ATP8A2: variants seen among roughly 807,000 people sequenced by gnomAD.
ATP8A2 encodes ATPase phospholipid transporting 8A2.
Under a neutral mutation model 165.6 loss-of-function variants are expected in ATP8A2, and 100 were observed. That is an observed-to-expected ratio of 0.60 (90% CI 0.51 to 0.71). ATP8A2 has a LOEUF of 0.71. Among genes scored for constraint, ATP8A2 ranks in the 30% least tolerant of loss-of-function variants. The probability of loss-of-function intolerance (pLI) is 0.00; values close to 1 mark genes in which losing one functional copy is unlikely to be tolerated. For synonymous variants in ATP8A2, 543 were observed against 548.8 expected, an observed-to-expected ratio of 0.99 and a Z score of 0.15; for missense variants, 1,227 against 1,479.5, an observed-to-expected ratio of 0.83 and a Z score of 2.80.
chr13:25,392,090 A>C (rs1168871667), intron 1 of ATP8A2, among the ~76,000 whole-genome samples: 1 of 152,216 alleles, frequency 6.6e-6, no homozygotes, highest in Non-Finnish European at 1.5e-5. Context: ...TGGTCAACAG[A>C]AGCTCTCCGG....
At chr13:25,678,005 A>G (rs529957900) in intron 24 of ATP8A2, among the ~76,000 whole-genome samples, 1 of 152,312 alleles carries the variant, frequency 6.6e-6, no homozygotes, top group South Asian at 2.1e-4. Flanking sequence ...TCAAATTTTA[A>G]TGATGGAAAG....
intron 26 of ATP8A2, among the ~76,000 whole-genome samples, 186 bp from the exon 27 acceptor site, chr13:25,774,660 TCAA>T (rs2044700751): frequency 3.9e-5 from 6 of 152,204 alleles, no homozygotes; most frequent in African/African-American, 1.4e-4. Flanking sequence ...TAATGTAGTT[TCAA>T]GAAGGATTTT....
chr13:25,485,408 G>A (rs908573574), intron 2 of ATP8A2, among the ~76,000 whole-genome samples: 3 of 152,234 alleles, frequency 2.0e-5, no homozygotes, highest in Admixed American at 6.5e-5. Flanking sequence ...AACAACATAA[G>A]GGAAGATTTC....
intron 25 of ATP8A2, among the ~76,000 whole-genome samples, chr13:25,749,726 C>T (rs2044114374): frequency 6.6e-6 from 1 of 152,158 alleles, no homozygotes; most frequent in East Asian, 1.9e-4. Flanking sequence ...GCAGCCAACT[C>T]ATGTTCCTTC....
intron 24 of ATP8A2, among the ~76,000 whole-genome samples, chr13:25,630,126 A>C (rs2041204864): frequency 1.3e-5 from 2 of 152,048 alleles, no homozygotes; most frequent in Non-Finnish European, 2.9e-5. Context: ...ACCAGGCCTC[A>C]AATTTTGTGT....
At chr13:25,966,029 G>GA (rs61635155) in intron 34 of ATP8A2, among the ~76,000 whole-genome samples, 61,625 of 133,326 alleles carry the variant, frequency 0.46, 14,236 homozygotes, top group Middle Eastern at 0.54. Flanking sequence ...AAGAGTTTCA[G>GA]AAAAAAAAAA....
intron 2 of ATP8A2, among the ~76,000 whole-genome samples, chr13:25,482,755 G>A (rs2036243303): frequency 6.6e-6 from 1 of 152,168 alleles, no homozygotes; most frequent in Non-Finnish European, 1.5e-5. Context: ...GAGAGCTGAT[G>A]GTTTTATCAG....
At chr13:25,431,585 C>T (rs1459231233) in intron 1 of ATP8A2, among the ~76,000 whole-genome samples, 3 of 152,118 alleles carry the variant, frequency 2.0e-5, no homozygotes, top group Non-Finnish European at 4.4e-5. Flanking sequence ...TGAGATTATC[C>T]AATTCTAGCA....
At chr13:25,820,087 G>T (rs1566171767) in intron 27 of ATP8A2, among the ~76,000 whole-genome samples, 1 of 152,204 alleles carries the variant, frequency 6.6e-6, no homozygotes, top group Non-Finnish European at 1.5e-5. Context: ...TTAAGTGTCG[G>T]CTGTTAGCTG....
At chr13:25,438,881 G>A (rs932903266) in intron 1 of ATP8A2, among the ~76,000 whole-genome samples, 2 of 152,004 alleles carry the variant, frequency 1.3e-5, no homozygotes, top group Admixed American at 1.3e-4. Context: ...AAATAAATGA[G>A]AAAACAAAGG....
At position 25,789,014 on chromosome 13, in the gene ATP8A2, G is replaced by T. The variant is rs116036471; in HGVS notation, c.2679+14055G>T. Among the ~76,000 whole-genome samples, 987 of 152,264 alleles carry T rather than the reference G, an allele frequency of 6.5e-3. 14 individuals carry two copies. The highest frequency in any genetic ancestry group is 0.022 in the African/African-American group (919 of 41,538). On this transcript the variant is annotated intron_variant, in intron 27 of 36. Coordinates refer to ENST00000381655, the MANE Select transcript of ATP8A2 (RefSeq NM_016529.6). Reference sequence around the variant, plus strand: ...ATGTACTTGTTTCTTTAAAACTCATGCCCCAGGGTGTTGAGAAACTCAGAT... The same window carrying T: ...ATGTACTTGTTTCTTTAAAACTCATTCCCCAGGGTGTTGAGAAACTCAGAT...
At chr13:25,397,846 G>A (rs1256948384) in intron 1 of ATP8A2, among the ~76,000 whole-genome samples, 4 of 152,192 alleles carry the variant, frequency 2.6e-5, no homozygotes, top group Non-Finnish European at 5.9e-5. Context: ...ACATCTCAAA[G>A]TGGGGGCTTC....
chr13:25,503,592 C>T (rs2036926382), intron 2 of ATP8A2, among the ~76,000 whole-genome samples: 1 of 152,166 alleles, frequency 6.6e-6, no homozygotes, highest in African/African-American at 2.4e-5. Flanking sequence ...AAAGAAATAA[C>T]TCCCTCTTGG....
chr13:25,444,373 G>A (rs1328053340), intron 1 of ATP8A2, among the ~76,000 whole-genome samples: 1 of 151,960 alleles, frequency 6.6e-6, no homozygotes, highest in Admixed American at 6.6e-5. Flanking sequence ...TTTTGTGGAC[G>A]TAACTTTTAA....
rs541239184 is a variant in ATP8A2 at position 25,849,549 on chromosome 13, A to G, written c.2956+9925A>G. 1.3e-4 allele frequency among the ~76,000 whole-genome samples: 20 copies of G among 152,338 alleles called. No individual in the cohort carries two copies. The South Asian group carries it at 1.9e-3, about 14-fold the overall frequency. On this transcript the variant is annotated intron_variant, in intron 30 of 36. Transcript: ENST00000381655. ...AGAAAATGAGACATGCTTTTCTTATAAATTGTGGCTTTTCCCACAAATATT... is the reference window on the plus strand; with the variant it reads ...AGAAAATGAGACATGCTTTTCTTATGAATTGTGGCTTTTCCCACAAATATT...
At chr13:25,579,215 A>G (rs991993677) in intron 21 of ATP8A2, among the ~76,000 whole-genome samples, 6 of 152,204 alleles carry the variant, frequency 3.9e-5, no homozygotes, top group Non-Finnish European at 7.3e-5. Context: ...TGGCTTATCC[A>G]TGACTTAAGG....
intron 27 of ATP8A2, among the ~76,000 whole-genome samples, chr13:25,787,961 C>T (rs949032412): frequency 8.5e-5 from 13 of 152,228 alleles, no homozygotes; most frequent in Non-Finnish European, 1.3e-4. Context: ...GCCCTTTCTG[C>T]ACAGAAGAAA....
chr13:25,721,241 C>T (rs998753250), intron 25 of ATP8A2, among the ~76,000 whole-genome samples: 10 of 151,242 alleles, frequency 6.6e-5, no homozygotes, highest in Admixed American at 1.3e-4. Flanking sequence ...TGTTGAGTTA[C>T]AGTCCATATA....
chr13:25,558,479 A>C lies in ATP8A2; in HGVS notation c.1264-494A>C, dbSNP rs111304129. 4.8e-3 allele frequency among the ~76,000 whole-genome samples: 725 copies of C among 152,286 alleles called. 14 individuals carry two copies. Among genetic ancestry groups the C allele is most frequent in the African/African-American group, 0.015 (643 of 41,558 alleles). ...ATTAAGAAAAATTACTGAGTAAGCA[A>C]TTCATGTAATCAGTCCCTCTTCTAT... On this transcript the variant is annotated intron_variant, in intron 13 of 36. Transcript: ENST00000381655.
Sources: gnomAD v4.1 joint callset for allele counts (sites outside exome capture counted in the v4.1 genomes callset) on GRCh38, gnomAD v4.1.1 for gene constraint, MANE v1.5 for transcripts, NCBI Gene and HGNC (gene_info 2026-07-23, HGNC 2026-07-21) for gene names.